The following SEMA6A variants were observed in gnomAD, a reference collection of about 807,000 sequenced individuals.
SEMA6A encodes semaphorin 6A.
In SEMA6A, 25 loss-of-function variants were observed where a neutral mutation model predicts 96.8. The ratio of observed to expected loss-of-function variants is 0.26; its 90% CI spans 0.19 to 0.36. The LOEUF (loss-of-function observed/expected upper bound fraction) is 0.36. Ranked by LOEUF, SEMA6A falls within the 10% of genes least tolerant of loss-of-function variation. The pLI is 1.00. For missense variants in SEMA6A, 1,363 were observed against 1,323.1 expected, an observed-to-expected ratio of 1.03 and a Z score of -0.47; for synonymous variants, 612 against 518.0, an observed-to-expected ratio of 1.18 and a Z score of -2.46.
At chr5:116,471,885 C>A (rs527862417) in intron 17 of SEMA6A, among the ~76,000 whole-genome samples, 25 of 152,258 alleles carry the variant, frequency 1.6e-4, no homozygotes, top group African/African-American at 5.8e-4. Context: ...GCATTGCTTT[C>A]TTTTCCTTCC....
At chr5:116,457,885 CA>C (rs1449426219) in intron 18 of SEMA6A, among the ~76,000 whole-genome samples, 1 of 152,132 alleles carries the variant, frequency 6.6e-6, no homozygotes, top group Non-Finnish European at 1.5e-5. Flanking sequence ...CAAATGAACA[CA>C]CCTTTTTCAT....
At chr5:116,570,010 A>C (rs1182411298) in intron 1 of SEMA6A, among the ~76,000 whole-genome samples, 2 of 152,154 alleles carry the variant, frequency 1.3e-5, no homozygotes, top group South Asian at 4.1e-4. Flanking sequence ...GTGTAAATGG[A>C]ATTATTGTAA....
intron 1 of SEMA6A, among the ~76,000 whole-genome samples, chr5:116,526,587 A>G (rs1391004651): frequency 1.3e-5 from 2 of 152,202 alleles, no homozygotes. Context: ...GTATAAACAC[A>G]TACGTCGTAT....
chr5:116,500,599 C>T (rs1184158732), intron 3 of SEMA6A, among the ~76,000 whole-genome samples: 2 of 148,464 alleles, frequency 1.3e-5, no homozygotes, highest in African/African-American at 2.5e-5. Flanking sequence ...AGTCTAGCCC[C>T]TTTTTTTTTT....
chr5:116,480,048 T>A, intron 12 of SEMA6A, 74 bp downstream of exon 12: 1 of 1,533,676 alleles, frequency 6.5e-7, no homozygotes, highest in East Asian at 2.3e-5. Flanking sequence ...TTTCAAAGCA[T>A]GATCCACTGA....
At chr5:116,495,116 G>C (rs1255817348) in intron 6 of SEMA6A, among the ~76,000 whole-genome samples, 1 of 152,152 alleles carries the variant, frequency 6.6e-6, no homozygotes, top group African/African-American at 2.4e-5. Context: ...AAAAAATAGA[G>C]GAAATCCACA....
In SEMA6A at chr5:116,573,792, G is replaced by A. The variant is rs78904965; in HGVS notation, c.-39+393C>T. ...CCCCTGCCTTCGACACACCGGGCCA[G>A]GGAGCTTCCGAGAATCCCACCATTT... On this transcript the variant is annotated intron_variant, in intron 1 of 18. Transcript: ENST00000343348. Among the ~76,000 whole-genome samples, 21 of 152,062 alleles carry A rather than the reference G, an allele frequency of 1.4e-4. 1 individual carries two copies. Among genetic ancestry groups the A allele is most frequent in the Non-Finnish European group, 2.9e-4 (20 of 68,002 alleles).
intron 1 of SEMA6A, among the ~76,000 whole-genome samples, chr5:116,516,640 G>GAAGACGATTC (rs1758680061): frequency 6.6e-6 from 1 of 152,168 alleles, no homozygotes; most frequent in Admixed American, 6.6e-5. Context: ...GTGGTGGAGA[G>GAAGACGATTC]AAGACGATTC....
chr5:116,543,445 C>G (rs895125305), intron 1 of SEMA6A, among the ~76,000 whole-genome samples: 4 of 152,068 alleles, frequency 2.6e-5, no homozygotes, highest in Non-Finnish European at 4.4e-5. Context: ...ATACTTTTTT[C>G]TTCTTAGAAT....
rs1754076700 is a variant in SEMA6A at position 116,444,641 on chromosome 5, C to A, written c.*1972G>T. ...GAGAAAAACACACACCACCTCCCAT[C>A]CCCTAAAAACATAATTAACAAAATA... On this transcript the variant is annotated 3_prime_UTR_variant, in exon 19 of 19. Coordinates refer to ENST00000343348, the MANE Select transcript of SEMA6A (RefSeq NM_020796.5). The A allele has an allele frequency of 6.6e-6, 1 of 152,604 alleles. No individual in the cohort carries two copies. Among genetic ancestry groups the A allele is most frequent in the Non-Finnish European group, 1.5e-5 (1 of 68,040 alleles). The allele number at this position is 152,604 out of a possible 1,614,324, so 9.5% of individuals were successfully genotyped here. A position where few individuals can be genotyped will look rare whatever the true frequency, so the allele number is the denominator to read the frequency against.
chr5:116,536,338 C>A (rs1316694590), intron 1 of SEMA6A: 2 of 152,048 alleles, frequency 1.3e-5, no homozygotes, highest in East Asian at 1.9e-4. Flanking sequence ...CACTAGGATT[C>A]CTGCTTGGCT....
chr5:116,513,475 C>T (rs1247243121), intron 1 of SEMA6A, among the ~76,000 whole-genome samples: 1 of 152,092 alleles, frequency 6.6e-6, no homozygotes, highest in Non-Finnish European at 1.5e-5. Flanking sequence ...TTTAGAATTC[C>T]AGACCTGATT....
chr5:116,516,263 A>C (rs1444757839), intron 1 of SEMA6A, among the ~76,000 whole-genome samples: 3 of 150,908 alleles, frequency 2.0e-5, no homozygotes, highest in African/African-American at 4.9e-5. Flanking sequence ...TCATCAGTAA[A>C]GTATCTATAT....
intron 1 of SEMA6A, among the ~76,000 whole-genome samples, chr5:116,547,203 T>C (rs982777464): frequency 1.3e-5 from 2 of 152,182 alleles, no homozygotes; most frequent in Non-Finnish European, 2.9e-5. Flanking sequence ...AAATGCTAGG[T>C]AGTACTGTGG....
At chr5:116,481,271 C>A (rs1287003051) in intron 11 of SEMA6A, among the ~76,000 whole-genome samples, 1 of 152,170 alleles carries the variant, frequency 6.6e-6, no homozygotes, top group Non-Finnish European at 1.5e-5. Context: ...TAAGAACTTA[C>A]TGAAACCTGA....
At chr5:116,537,832 A>G (rs1759786536) in intron 1 of SEMA6A, among the ~76,000 whole-genome samples, 1 of 152,234 alleles carries the variant, frequency 6.6e-6, no homozygotes, top group African/African-American at 2.4e-5. Context: ...CAGAGAATTA[A>G]TATAGACAGG....
intron 1 of SEMA6A, among the ~76,000 whole-genome samples, chr5:116,571,293 C>A (rs1761202857): frequency 6.6e-6 from 1 of 152,102 alleles, no homozygotes; most frequent in African/African-American, 2.4e-5. Flanking sequence ...CTGATGGCTC[C>A]TCAGAAATGA....
intron 1 of SEMA6A, among the ~76,000 whole-genome samples, chr5:116,511,829 C>G (rs1046768548): frequency 6.6e-6 from 1 of 152,202 alleles, no homozygotes; most frequent in African/African-American, 2.4e-5. Context: ...CCTCCCTCAA[C>G]CGTGATGTTT....
chr5:116,472,974 G>T, intron 17 of SEMA6A, 99 bp downstream of exon 17: 1 of 1,514,248 alleles, frequency 6.6e-7, no homozygotes. Flanking sequence ...TAATTAAAAA[G>T]AAACTTAAGA....
Sources: gnomAD v4.1 joint callset for allele counts (sites outside exome capture counted in the v4.1 genomes callset) on GRCh38, gnomAD v4.1.1 for gene constraint, MANE v1.5 for transcripts, NCBI Gene and HGNC (gene_info 2026-07-23, HGNC 2026-07-21) for gene names.